The following SBF2 variants were observed in gnomAD, a reference collection of about 807,000 sequenced individuals.
SBF2 encodes the protein myotubularin-related protein 13.
A neutral mutation model predicts 225.2 loss-of-function variants in SBF2; 112 were observed. That is an observed-to-expected ratio of 0.50 (90% CI 0.43 to 0.58). SBF2 has a LOEUF of 0.58. Ranked by LOEUF, SBF2 falls within the 20% of genes least tolerant of loss-of-function variation. SBF2 has a pLI of 0.00. For synonymous variants in SBF2, 763 were observed against 773.3 expected (o/e 0.99, Z 0.22); for missense variants, 1,996 against 2,206.2 (o/e 0.90, Z 1.91).
chr11:9,994,816 C>T (rs906437802), intron 9 of SBF2, among the ~76,000 whole-genome samples: 5 of 152,004 alleles, frequency 3.3e-5, no homozygotes, highest in Non-Finnish European at 7.4e-5. Flanking sequence ...GTGGGTGGAT[C>T]ACTTCAGGTC....
Position 10,001,673 on chromosome 11 carries a change from T to C in SBF2, c.753-651A>G, listed in dbSNP as rs191118275. On this transcript the variant is annotated intron_variant, in intron 7 of 39. Transcript: ENST00000256190. ...CCCAGTAGCTGGGACTACAGGCGCC[T>C]GCCACCATGCCCGGCTAGCTTTTTC... Among the ~76,000 whole-genome samples, 822 of 152,174 alleles carry C rather than the reference T, an allele frequency of 5.4e-3. 7 individuals are homozygous for C. Among genetic ancestry groups the C allele is most frequent in the African/African-American group, 0.019 (780 of 41,528 alleles).
intron 30 of SBF2, among the ~76,000 whole-genome samples, chr11:9,809,787 C>A (rs1302250811): frequency 6.6e-6 from 1 of 151,936 alleles, no homozygotes; most frequent in African/African-American, 2.4e-5. Flanking sequence ...CTCAGGTAAT[C>A]CACCTGCCTC....
chr11:10,246,622 T>G (rs559763021), intron 1 of SBF2, among the ~76,000 whole-genome samples: 2 of 152,158 alleles, frequency 1.3e-5, no homozygotes, highest in Non-Finnish European at 2.9e-5. Context: ...CAATCATATG[T>G]CAATTGATAT....
chr11:10,004,589 AAAAAAAC>A (rs1948111724), intron 6 of SBF2, among the ~76,000 whole-genome samples: 2 of 148,966 alleles, frequency 1.3e-5, no homozygotes, highest in Admixed American at 1.3e-4. Context: ...AAAAAAAAAA[AAAAAAAC>A]AAACTACATA....
At chr11:9,969,284 A>T (rs542697948) in intron 13 of SBF2, among the ~76,000 whole-genome samples, 29 of 152,146 alleles carry the variant, frequency 1.9e-4, no homozygotes, top group Non-Finnish European at 3.1e-4. Context: ...TCAACACCTC[A>T]CGTTACAGCA....
intron 26 of SBF2, among the ~76,000 whole-genome samples, chr11:9,834,417 A>G (rs189317180): frequency 1.3e-5 from 2 of 152,326 alleles, no homozygotes; most frequent in East Asian, 1.9e-4. Context: ...TACATTCCCA[A>G]TGTTATGCAA....
intron 2 of SBF2, among the ~76,000 whole-genome samples, chr11:10,138,759 A>G (rs1335666205): frequency 6.6e-6 from 1 of 151,980 alleles, no homozygotes; most frequent in East Asian, 1.9e-4. Context: ...TCCATTATGG[A>G]TATCTAGTTT....
intron 28 of SBF2, among the ~76,000 whole-genome samples, chr11:9,823,618 A>T (rs1854903597): frequency 6.6e-6 from 1 of 152,134 alleles, no homozygotes; most frequent in Admixed American, 6.5e-5. Context: ...AAGGAAATGA[A>T]TTACTTGCAA....
At chr11:10,110,701 G>T (rs1042813152) in intron 2 of SBF2, among the ~76,000 whole-genome samples, 1 of 151,874 alleles carries the variant, frequency 6.6e-6, no homozygotes. Context: ...CAACTAACTA[G>T]AAAAAAACAA....
intron 16 of SBF2, among the ~76,000 whole-genome samples, chr11:9,921,234 C>G (rs886196084): frequency 6.6e-6 from 1 of 152,052 alleles, no homozygotes; most frequent in African/African-American, 2.4e-5. Context: ...CCATGCCCGG[C>G]TAATTTTGTA....
intron 16 of SBF2, among the ~76,000 whole-genome samples, chr11:9,939,147 G>C (rs748587200): frequency 6.6e-6 from 1 of 152,066 alleles, no homozygotes; most frequent in Non-Finnish European, 1.5e-5. Context: ...CTAGGCTGGA[G>C]TGCAGTGGTG....
chr11:9,915,914 A>G (rs1863046289), intron 16 of SBF2, among the ~76,000 whole-genome samples: 1 of 152,134 alleles, frequency 6.6e-6, no homozygotes, highest in Admixed American at 6.6e-5. Context: ...AAATACAAAA[A>G]TTAGCCAGGT....
chr11:10,000,077 A>G (rs1197921661), intron 8 of SBF2, among the ~76,000 whole-genome samples: 1 of 152,242 alleles, frequency 6.6e-6, no homozygotes, highest in African/African-American at 2.4e-5. Flanking sequence ...CTCATCTCAC[A>G]TAAGGAAATC....
At chr11:9,882,714 G>A (rs942318584) in intron 17 of SBF2, among the ~76,000 whole-genome samples, 10 of 148,144 alleles carry the variant, frequency 6.8e-5, no homozygotes, top group Non-Finnish European at 1.0e-4. Flanking sequence ...GGCTGAGGCA[G>A]GAGAATCACT....
intron 6 of SBF2, among the ~76,000 whole-genome samples, chr11:10,012,784 CTTT>C (rs896216628): frequency 6.7e-6 from 1 of 148,940 alleles, no homozygotes; most frequent in Admixed American, 6.7e-5. Flanking sequence ...TTCCTGAAAG[CTTT>C]TTTTTTTCTT....
intron 13 of SBF2, among the ~76,000 whole-genome samples, chr11:9,982,735 G>A (rs1307268308): frequency 6.6e-6 from 1 of 152,170 alleles, no homozygotes; most frequent in Admixed American, 6.5e-5. Flanking sequence ...TGCGGGATTC[G>A]GGAGACACCC....
intron 2 of SBF2, among the ~76,000 whole-genome samples, chr11:10,095,626 G>A (rs557540508): frequency 1.3e-5 from 2 of 152,260 alleles, no homozygotes; most frequent in Admixed American, 1.3e-4. Context: ...TATATTTGAT[G>A]AGTCATGTTC....
chr11:10,111,769 C>T lies in SBF2; in HGVS notation c.142-68788G>A, dbSNP rs575276254. On this transcript the variant is annotated intron_variant, in intron 2 of 39. Transcript: ENST00000256190. ...GCGCACGCCTGTAATCCCAGCTACT[C>T]AGGAGGCTGAGACAGGAGAATCGCT... is the stretch of plus-strand genomic sequence containing the variant. 4.6e-3 allele frequency among the ~76,000 whole-genome samples: 708 copies of T among 152,282 alleles called. 8 individuals carry two copies. The highest frequency in any genetic ancestry group is 0.016 in the African/African-American group (668 of 41,564).
chr11:10,211,590 C>T (rs1276832599), intron 1 of SBF2, among the ~76,000 whole-genome samples: 2 of 152,174 alleles, frequency 1.3e-5, no homozygotes, highest in Non-Finnish European at 2.9e-5. Context: ...AAGGTGTCTG[C>T]TAGTTCTCTA....
Sources: gnomAD v4.1 joint callset for allele counts (sites outside exome capture counted in the v4.1 genomes callset) on GRCh38, gnomAD v4.1.1 for gene constraint, MANE v1.5 for transcripts, NCBI Gene and HGNC (gene_info 2026-07-23, HGNC 2026-07-21) for gene names.